MYOF: variants seen among roughly 807,000 people sequenced by gnomAD.
MYOF encodes the protein myoferlin, also known as fer-1-like 3, myoferlin.
A neutral mutation model predicts 284.2 loss-of-function variants in MYOF; 244 were observed. The ratio of observed to expected loss-of-function variants is 0.86; its 90% CI spans 0.77 to 0.95. MYOF has a LOEUF of 0.95. Among genes scored for constraint, MYOF ranks in the 40% least tolerant of loss-of-function variants. MYOF has a pLI of 0.00. For synonymous variants in MYOF, 904 were observed against 919.7 expected, an observed-to-expected ratio of 0.98 and a Z score of 0.31; for missense variants, 2,496 against 2,560.6, an observed-to-expected ratio of 0.97 and a Z score of 0.54.
rs760034539 is a variant in MYOF at position 93,307,016 on chromosome 10, A to AAAAC, written c.6148-19_6148-16dup. ...GACAAATAGTTCTGGAAAGGAAACA[A>AAAAC]AAACAGTGGTAAAAAAACATGTATG... On this transcript the variant is annotated splice_polypyrimidine_tract_variant and intron_variant, in intron 53 of 53. Transcript: ENST00000359263. 2.0e-5 allele frequency: 32 copies of AAAAC among 1,608,576 alleles called. No homozygotes were observed. The highest frequency in any genetic ancestry group is 2.4e-5 in the Non-Finnish European group (28 of 1,176,040).
chr10:93,447,327 T>C (rs1377991263), intron 3 of MYOF, among the ~76,000 whole-genome samples: 1 of 152,132 alleles, frequency 6.6e-6, no homozygotes, highest in Admixed American at 6.6e-5. Flanking sequence ...AGGGCATGAC[T>C]AGTGTAAACT....
chr10:93,316,714 C>T lies in MYOF; in HGVS notation c.5698G>A (p.Gly1900Ser). ...ACAATGATCCAAATGTAAGCCCTAC[C>T]CAAGTAGTCATCCAGAGAAAACTTG... ...NDKFSLDDYL[G>S]FLELDLRHTI... Residue 1900 changes from glycine to serine, a missense_variant and splice_region_variant, in exon 50 of 54, where the codon GGT (glycine) becomes AGT (serine). Coordinates refer to ENST00000359263, the MANE Select transcript of MYOF (RefSeq NM_013451.4). 1 of 1,609,476 alleles carries T rather than the reference C, an allele frequency of 6.2e-7. No homozygotes were observed. The highest frequency in any genetic ancestry group is 8.5e-7 in the Non-Finnish European group (1 of 1,175,840).
chr10:93,328,121 A>G (rs1843136266), intron 45 of MYOF, among the ~76,000 whole-genome samples: 2 of 152,108 alleles, frequency 1.3e-5, no homozygotes, highest in African/African-American at 4.8e-5. Flanking sequence ...AGCAGAAAGC[A>G]CTTTTCTTCC....
intron 1 of MYOF, among the ~76,000 whole-genome samples, chr10:93,469,337 G>A (rs1216888892): frequency 2.0e-5 from 3 of 151,770 alleles, no homozygotes; most frequent in Non-Finnish European, 2.9e-5. Flanking sequence ...GGAGGCAGAG[G>A]TTGCAGTGAG....
chr10:93,378,996 G>A lies in MYOF; in HGVS notation c.2001+867C>T, dbSNP rs1204991499. ...ATCCCAAAGTGCTGGGATTACTGGCGTGAGCCACTGCACCTGGCCCAAGTA... is the reference window on the plus strand; with the variant it reads ...ATCCCAAAGTGCTGGGATTACTGGCATGAGCCACTGCACCTGGCCCAAGTA... On this transcript the variant is annotated intron_variant, in intron 21 of 53. Transcript: ENST00000359263. Among the ~76,000 whole-genome samples the A allele has an allele frequency of 3.3e-5, 5 of 152,058 alleles. No individual in the cohort carries two copies. In the East Asian group the frequency reaches 5.8e-4, roughly 18 times the overall value.
At chr10:93,336,261 T>C (rs898406250) in intron 40 of MYOF, among the ~76,000 whole-genome samples, 1 of 152,204 alleles carries the variant, frequency 6.6e-6, no homozygotes, top group African/African-American at 2.4e-5. Flanking sequence ...ATCTAGAGAT[T>C]GCATTCCTAG....
At position 93,351,190 on chromosome 10, in the gene MYOF, A is replaced by G; in HGVS notation, c.3921+7T>C. ...ATTTGATGAGTAACACGTGGGGAGC[A>G]GCATACCTCAATGGCAGTGAGCTGG... On this transcript the variant is annotated splice_region_variant and intron_variant, in intron 35 of 53. Coordinates refer to ENST00000359263, the MANE Select transcript of MYOF (RefSeq NM_013451.4). The G allele has an allele frequency of 1.2e-6, 2 of 1,613,558 alleles. No individual in the cohort carries two copies.
Position 93,482,177 on chromosome 10 carries a change from C to T in MYOF, c.18G>A (p.Val6=). MLRVI[V]ESASNIPKTK... is the part of the protein sequence containing the mutation. Reference sequence around the variant, plus strand: ...TTTTAGGGATATTGCTGGCAGATTCCACAATCACTCGCAGCATGGTTCTTA... The same window carrying T: ...TTTTAGGGATATTGCTGGCAGATTCTACAATCACTCGCAGCATGGTTCTTA... The change falls in exon 1 of 54, where the codon GTG becomes GTA. Residue 6 remains valine, a synonymous_variant. Transcript: ENST00000359263. 6.2e-7 allele frequency: 1 copy of T among 1,614,084 alleles called. No individual in the cohort carries two copies. Among genetic ancestry groups the T allele is most frequent in the South Asian group, 1.1e-5 (1 of 91,080 alleles).
intron 5 of MYOF, among the ~76,000 whole-genome samples, chr10:93,419,467 A>C (rs539734209): frequency 6.6e-6 from 1 of 152,100 alleles, no homozygotes; most frequent in East Asian, 1.9e-4. Context: ...CCGGCCCCAA[A>C]ATGCCCTTCT....
At chr10:93,387,004 A>C (rs559031493) in intron 19 of MYOF, among the ~76,000 whole-genome samples, 1 of 152,348 alleles carries the variant, frequency 6.6e-6, no homozygotes, top group East Asian at 1.9e-4. Flanking sequence ...GCTGACTGTC[A>C]GGGACCCAGA....
In MYOF at chr10:93,429,754, A is replaced by G. The variant is rs529683478; in HGVS notation, c.345+1654T>C. Among the ~76,000 whole-genome samples, 5 of 152,180 alleles carry G rather than the reference A, an allele frequency of 3.3e-5. No homozygotes were observed. The East Asian group carries it at 9.7e-4, about 29-fold the overall frequency. On this transcript the variant is annotated intron_variant, in intron 4 of 53. Coordinates refer to ENST00000359263, the MANE Select transcript of MYOF (RefSeq NM_013451.4). ...TTGCCCAGGCTCCCAAGAAAAATAAATTGATTGGAAAATGAAGGGGTTGGA... is the reference window on the plus strand; with the variant it reads ...TTGCCCAGGCTCCCAAGAAAAATAAGTTGATTGGAAAATGAAGGGGTTGGA...
intron 21 of MYOF, among the ~76,000 whole-genome samples, chr10:93,377,751 G>C (rs1400488917): frequency 6.6e-6 from 1 of 152,064 alleles, no homozygotes; most frequent in Admixed American, 6.5e-5. Flanking sequence ...TAATTAGTAG[G>C]CTTATTTTTC....
chr10:93,340,206 T>C (rs1843834416), intron 38 of MYOF, 42 bp from the exon 39 acceptor site: 1 of 1,612,468 alleles, frequency 6.2e-7, no homozygotes, highest in Non-Finnish European at 8.5e-7. Context: ...GCAAACCATA[T>C]AACAGGTCAC....
intron 1 of MYOF, among the ~76,000 whole-genome samples, chr10:93,475,744 C>T (rs1237821047): frequency 6.6e-6 from 1 of 152,162 alleles, no homozygotes; most frequent in Admixed American, 6.5e-5. Context: ...GAAACACACC[C>T]GTGATTAGAA....
chr10:93,371,460 T>A (rs1176223331), intron 24 of MYOF, among the ~76,000 whole-genome samples: 4 of 152,234 alleles, frequency 2.6e-5, no homozygotes, highest in Non-Finnish European at 4.4e-5. Flanking sequence ...AATCCAGTTA[T>A]GTTTCTGTTC....
At chr10:93,474,842 G>A (rs528237934) in intron 1 of MYOF, among the ~76,000 whole-genome samples, 2 of 151,902 alleles carry the variant, frequency 1.3e-5, no homozygotes, top group Non-Finnish European at 2.9e-5. Flanking sequence ...CACCTCCCGA[G>A]TTCAAGCAAT....
intron 49 of MYOF, among the ~76,000 whole-genome samples, chr10:93,317,851 G>A (rs985259545): frequency 7.2e-5 from 11 of 152,212 alleles, no homozygotes; most frequent in Non-Finnish European, 1.3e-4. Context: ...GAATTTCCCA[G>A]TGTTTCATGA....
chr10:93,466,612 AG>A (rs1444651292), intron 1 of MYOF, among the ~76,000 whole-genome samples: 2 of 152,212 alleles, frequency 1.3e-5, no homozygotes, highest in Non-Finnish European at 2.9e-5. Flanking sequence ...CAGGAGGGCC[AG>A]GCACCTGGCT....
intron 26 of MYOF, 45 bp from the exon 27 acceptor site, chr10:93,364,120 C>T: frequency 6.4e-7 from 1 of 1,554,756 alleles, no homozygotes; most frequent in East Asian, 2.2e-5. Flanking sequence ...GACCGGGTAA[C>T]CGGCAGCCTC....
Sources: gnomAD v4.1 joint callset for allele counts (sites outside exome capture counted in the v4.1 genomes callset) on GRCh38, gnomAD v4.1.1 for gene constraint, MANE v1.5 for transcripts, NCBI Gene and HGNC (gene_info 2026-07-23, HGNC 2026-07-21) for gene names.